Variants in CTNNA2 observed in about 807,000 individuals in gnomAD.
The protein encoded by CTNNA2 is catenin alpha-2.
In CTNNA2, 42 loss-of-function variants were observed where a neutral mutation model predicts 101.0. That is an observed-to-expected ratio of 0.42 (90% CI 0.32 to 0.54). The LOEUF (loss-of-function observed/expected upper bound fraction) is 0.54, where lower values mean the gene tolerates loss of function less well. Ranked by LOEUF, CTNNA2 falls within the 20% of genes least tolerant of loss-of-function variation. The pLI is 0.14. For synonymous variants in CTNNA2, 450 were observed against 456.4 expected (o/e 0.99, Z 0.18); for missense variants, 871 against 1,223.1 (o/e 0.71, Z 4.29).
At chr2:79,910,060 C>T (rs1287887713) in intron 7 of CTNNA2, among the ~76,000 whole-genome samples, 1 of 152,044 alleles carries the variant, frequency 6.6e-6, no homozygotes, top group Non-Finnish European at 1.5e-5. Context: ...TCTTCTCGGT[C>T]ATTTTAGTGG....
intron 6 of CTNNA2, among the ~76,000 whole-genome samples, chr2:79,888,022 G>A (rs993249125): frequency 6.6e-6 from 1 of 152,040 alleles, no homozygotes; most frequent in Non-Finnish European, 1.5e-5. Context: ...TATGTAATAC[G>A]GGCTCAAACC....
intron 4 of CTNNA2, among the ~76,000 whole-genome samples, chr2:79,384,539 G>C (rs13000944): frequency 0.83 from 126,035 of 151,994 alleles, 52,789 homozygotes; most frequent in African/African-American, 0.95. Context: ...CAAAGTAGCT[G>C]TGATATATAC....
rs1295714088 is a variant in CTNNA2, at chr2:80,619,216, T to G, written c.2562T>G (p.Ser854Arg). The stretch of plus-strand genomic sequence containing the variant: ...GAGCTCCGATCGGGAGTGGAAGCAG[T>G]GATTCCTCCATGGTGAGTAAATTGA... ...AEGAPIGSGS[S>R]DSSMLDSATS... Residue 854 changes from serine to arginine, a missense_variant, in exon 18 of 19, where the codon AGT becomes AGG. Ser to Arg is a moderately radical substitution (Grantham distance 110). Around this residue, in one of 5 missense-constraint regions of CTNNA2, gnomAD observed 65 missense variants for 53.3 expected, o/e 1.22. Transcript: ENST00000402739. 1 of 1,577,468 alleles carries G rather than the reference T, an allele frequency of 6.3e-7. No homozygotes were observed. The highest frequency in any genetic ancestry group is 8.6e-7 in the Non-Finnish European group (1 of 1,162,232).
rs189473342 is a variant in CTNNA2, at chr2:80,108,849, C to A, written c.1056+199052C>A. On this transcript the variant is annotated intron_variant, in intron 7 of 18. Transcript: ENST00000402739. The stretch of plus-strand genomic sequence containing the variant: ...CAAGTGCTTCTTGCTTTTTTGTTTA[C>A]ACACTTTATGAGATGTTAACACAAA... Among the ~76,000 whole-genome samples, 467 of 152,254 alleles carry A rather than the reference C, an allele frequency of 3.1e-3. 2 individuals are homozygous for A. The highest frequency in any genetic ancestry group is 0.011 in the African/African-American group (444 of 41,552).
At chr2:80,516,697 C>T (rs1689139365) in intron 9 of CTNNA2, among the ~76,000 whole-genome samples, 1 of 152,192 alleles carries the variant, frequency 6.6e-6, no homozygotes, top group African/African-American at 2.4e-5. Context: ...TAACCATTCA[C>T]AGTCCTGATC....
chr2:80,441,695 T>C lies in CTNNA2; in HGVS notation c.1290+22094T>C, dbSNP rs370825477. Among the ~76,000 whole-genome samples the C allele has an allele frequency of 3.8e-4, 58 of 152,232 alleles. No individual in the cohort carries two copies. The South Asian group carries it at 4.6e-3, about 12-fold the overall frequency. ...TGTAGAAAGGTCTGAAAATATAATA[T>C]GTTAGGCAAGCAATGTGTTTAGTAA... On this transcript the variant is annotated intron_variant, in intron 9 of 18. Transcript: ENST00000402739.
chr2:79,349,122 G>T (rs1453154245), intron 3 of CTNNA2, among the ~76,000 whole-genome samples: 1 of 152,216 alleles, frequency 6.6e-6, no homozygotes, highest in Non-Finnish European at 1.5e-5. Flanking sequence ...GATGGTATAG[G>T]CTTCTTTGCA....
intron 7 of CTNNA2, among the ~76,000 whole-genome samples, chr2:80,376,428 G>A (rs1256826882): frequency 6.7e-6 from 1 of 148,732 alleles, no homozygotes; most frequent in Non-Finnish European, 1.5e-5. Context: ...GAGAGATGAA[G>A]TTCCTAATTG....
chr2:79,921,810 G>C (rs1268147714), intron 7 of CTNNA2, among the ~76,000 whole-genome samples: 1 of 152,164 alleles, frequency 6.6e-6, no homozygotes, highest in East Asian at 1.9e-4. Flanking sequence ...TTCGTTCTAG[G>C]TTCTTTTGGT....
chr2:79,252,722 T>C (rs1235914042), intron 2 of CTNNA2, among the ~76,000 whole-genome samples: 2 of 152,150 alleles, frequency 1.3e-5, no homozygotes, highest in East Asian at 1.9e-4. Flanking sequence ...ATTACACTAA[T>C]GTTGTGATAA....
intron 1 of CTNNA2, among the ~76,000 whole-genome samples, chr2:79,585,045 A>G (rs938021518): frequency 2.0e-5 from 3 of 152,296 alleles, no homozygotes; most frequent in East Asian, 1.9e-4. Context: ...CTGGTGTTCA[A>G]ATATCTTCCT....
intron 4 of CTNNA2, among the ~76,000 whole-genome samples, chr2:79,423,696 A>G (rs1678561724): frequency 6.6e-6 from 1 of 152,216 alleles, no homozygotes; most frequent in African/African-American, 2.4e-5. Context: ...TTGCAGAATT[A>G]TAGCACGGCT....
chr2:79,846,560 A>G (rs1191836026), intron 3 of CTNNA2, among the ~76,000 whole-genome samples: 1 of 152,210 alleles, frequency 6.6e-6, no homozygotes, highest in African/African-American at 2.4e-5. Context: ...AAAGGCTTCA[A>G]CTATATGGAC....
intron 3 of CTNNA2, among the ~76,000 whole-genome samples, chr2:79,756,820 T>G (rs1672432431): frequency 6.6e-6 from 1 of 152,176 alleles, no homozygotes; most frequent in African/African-American, 2.4e-5. Context: ...TAAGAAGCAA[T>G]GTTCACCATC....
At chr2:80,568,663 A>G (rs1027204349) in intron 12 of CTNNA2, among the ~76,000 whole-genome samples, 16 of 152,022 alleles carry the variant, frequency 1.1e-4, no homozygotes, top group Non-Finnish European at 2.2e-4. Context: ...CTGAGGATTA[A>G]AGAAGGCTTC....
chr2:79,288,003 C>T (rs1436074271), intron 2 of CTNNA2, among the ~76,000 whole-genome samples: 2 of 152,212 alleles, frequency 1.3e-5, no homozygotes, highest in East Asian at 1.9e-4. Context: ...GGGAGTGACC[C>T]GATTTTCCAG....
At chr2:79,273,206 A>T (rs528954635) in intron 2 of CTNNA2, among the ~76,000 whole-genome samples, 1 of 152,202 alleles carries the variant, frequency 6.6e-6, no homozygotes, top group South Asian at 2.1e-4. Context: ...GAGACTTCAC[A>T]GATATTACTC....
At chr2:80,467,063 C>T (rs1684922649) in intron 9 of CTNNA2, among the ~76,000 whole-genome samples, 1 of 152,146 alleles carries the variant, frequency 6.6e-6, no homozygotes, top group Admixed American at 6.5e-5. Context: ...TTACTCATAG[C>T]CTTATTAATG....
intron 7 of CTNNA2, among the ~76,000 whole-genome samples, chr2:80,168,841 T>A (rs1206138402): frequency 6.6e-6 from 1 of 152,120 alleles, no homozygotes; most frequent in Admixed American, 6.5e-5. Flanking sequence ...GATGAGAACT[T>A]ACGAATTAGA....
Sources: allele counts gnomAD v4.1 joint callset (sites outside exome capture counted in the v4.1 genomes callset), GRCh38; gene constraint gnomAD v4.1.1; regional missense constraint gnomAD v4.1.1; transcripts MANE v1.5; gene names NCBI Gene and HGNC (gene_info 2026-07-23, HGNC 2026-07-21).